MTUS2: variants seen among roughly 807,000 people sequenced by gnomAD.
MTUS2 encodes microtubule associated scaffold protein 2.
In MTUS2, 40 loss-of-function variants were observed where a neutral mutation model predicts 114.1. The ratio of observed to expected loss-of-function variants is 0.35; its 90% CI spans 0.27 to 0.46. The LOEUF is 0.46. Among genes scored for constraint, MTUS2 ranks in the 20% least tolerant of loss-of-function variants. MTUS2 has a pLI of 1.00. For synonymous variants in MTUS2, 688 were observed against 672.0 expected, an observed-to-expected ratio of 1.02 and a Z score of -0.37; for missense variants, 1,679 against 1,705.4, an observed-to-expected ratio of 0.98 and a Z score of 0.27.
chr13:29,500,608 T>C (rs1201094654), intron 14 of MTUS2, among the ~76,000 whole-genome samples: 2 of 152,126 alleles, frequency 1.3e-5, no homozygotes, highest in African/African-American at 4.8e-5. Flanking sequence ...CCTCCCTCCA[T>C]TGATTCAGAA....
chr13:28,877,452 C>T (rs1250616341), intron 2 of MTUS2, among the ~76,000 whole-genome samples: 1 of 152,018 alleles, frequency 6.6e-6, no homozygotes, highest in Non-Finnish European at 1.5e-5. Flanking sequence ...TTGCATATTA[C>T]AGTCCAAGGG....
chr13:29,474,941 C>G (rs753830782), intron 9 of MTUS2, among the ~76,000 whole-genome samples: 2 of 152,188 alleles, frequency 1.3e-5, no homozygotes, highest in Non-Finnish European at 2.9e-5. Flanking sequence ...GGAGTTAAAG[C>G]TACTGATCTT....
At chr13:28,935,779 G>C (rs1029489810) in intron 2 of MTUS2, among the ~76,000 whole-genome samples, 2 of 151,936 alleles carry the variant, frequency 1.3e-5, no homozygotes, top group African/African-American at 4.8e-5. Flanking sequence ...TTAAGAGACA[G>C]AGTCTGTCTG....
At chr13:29,277,075 T>C (rs1898094431) in intron 5 of MTUS2, among the ~76,000 whole-genome samples, 2 of 152,172 alleles carry the variant, frequency 1.3e-5, no homozygotes, top group African/African-American at 4.8e-5. Context: ...TTTCTGCATG[T>C]CTTCTAAACA....
At chr13:29,302,308 C>G (rs1002874928) in intron 6 of MTUS2, among the ~76,000 whole-genome samples, 1 of 152,142 alleles carries the variant, frequency 6.6e-6, no homozygotes, top group Non-Finnish European at 1.5e-5. Flanking sequence ...ATTGTGCAAC[C>G]CCACCTGGAA....
intron 1 of MTUS2, among the ~76,000 whole-genome samples, chr13:28,822,958 A>G (rs1434112033): frequency 1.3e-5 from 2 of 152,254 alleles, no homozygotes; most frequent in African/African-American, 4.8e-5. Context: ...ACATACCTGG[A>G]GAACTAGCTC....
chr13:29,501,911 T>A (rs1000581745), intron 15 of MTUS2, among the ~76,000 whole-genome samples: 1 of 152,088 alleles, frequency 6.6e-6, no homozygotes, highest in Non-Finnish European at 1.5e-5. Context: ...ACGCACACAC[T>A]CATATACTCA....
intron 6 of MTUS2, among the ~76,000 whole-genome samples, chr13:29,292,327 C>T (rs1898751246): frequency 6.6e-6 from 1 of 152,154 alleles, no homozygotes; most frequent in Admixed American, 6.5e-5. Flanking sequence ...ATAGAATGTA[C>T]CCTGGAAGTA....
chr13:29,166,137 T>C (rs1421595909), intron 5 of MTUS2, among the ~76,000 whole-genome samples: 1 of 152,184 alleles, frequency 6.6e-6, no homozygotes, highest in African/African-American at 2.4e-5. Context: ...GACCACTCAT[T>C]CTAAGTAGAA....
intron 2 of MTUS2, among the ~76,000 whole-genome samples, chr13:28,977,180 C>T (rs1196027239): frequency 6.6e-6 from 1 of 152,004 alleles, no homozygotes; most frequent in Non-Finnish European, 1.5e-5. Context: ...GATGATGAGT[C>T]AGTTGTAGAT....
chr13:29,367,896 C>A (rs1479865482), intron 8 of MTUS2, among the ~76,000 whole-genome samples: 1 of 151,926 alleles, frequency 6.6e-6, no homozygotes, highest in Non-Finnish European at 1.5e-5. Context: ...TAAAGCAATG[C>A]CAAGGGACCT....
intron 8 of MTUS2, among the ~76,000 whole-genome samples, chr13:29,425,994 A>G (rs1180844827): frequency 1.3e-5 from 2 of 152,184 alleles, no homozygotes; most frequent in Non-Finnish European, 2.9e-5. Context: ...ACTGTTTCCT[A>G]AAGGGAACTA....
intron 4 of MTUS2, among the ~76,000 whole-genome samples, chr13:29,092,757 T>G (rs2479802): frequency 8.6e-6 from 1 of 116,630 alleles, no homozygotes; most frequent in Admixed American, 8.5e-5. Flanking sequence ...GGTCTCTGGC[T>G]GGCAAAGTGA....
At chr13:29,285,384 A>G (rs1368008505) in intron 6 of MTUS2, among the ~76,000 whole-genome samples, 1 of 152,252 alleles carries the variant, frequency 6.6e-6, no homozygotes, top group Non-Finnish European at 1.5e-5. Context: ...TCCAGCTAAT[A>G]CAAAACACAT....
rs1876871000 is a variant in MTUS2 at position 28,860,014 on chromosome 13, T to C, written c.-243+20164T>C. On this transcript the variant is annotated intron_variant, in intron 2 of 15. Coordinates refer to ENST00000612955, the MANE Select transcript of MTUS2 (RefSeq NM_001033602.4). ...GTTGAAAGGAGGGATTGATTTATAT[T>C]ACATTTAGTTGTGATCAGTTAGACA... Among the ~76,000 whole-genome samples, 3 of 152,348 alleles carry C rather than the reference T, an allele frequency of 2.0e-5. No homozygotes were observed. In the South Asian group the frequency reaches 6.2e-4, roughly 32 times the overall value.
At chr13:29,232,661 A>T (rs538345835) in intron 5 of MTUS2, among the ~76,000 whole-genome samples, 89 of 152,300 alleles carry the variant, frequency 5.8e-4, no homozygotes, top group Non-Finnish European at 1.0e-3. Flanking sequence ...AGTTCTATCT[A>T]CCTTTTGCTC....
chr13:28,994,259 C>T (rs1187616785), intron 2 of MTUS2, among the ~76,000 whole-genome samples: 1 of 152,164 alleles, frequency 6.6e-6, no homozygotes, highest in Non-Finnish European at 1.5e-5. Flanking sequence ...GCACAGTATT[C>T]CATGGTGTAT....
At chr13:29,394,221 G>A (rs1199136404) in intron 8 of MTUS2, among the ~76,000 whole-genome samples, 3 of 152,286 alleles carry the variant, frequency 2.0e-5, no homozygotes, top group Admixed American at 6.5e-5. Flanking sequence ...GAGAACATGT[G>A]CCCAAGGTGA....
intron 5 of MTUS2, among the ~76,000 whole-genome samples, chr13:29,149,188 A>T (rs1445029197): frequency 6.6e-6 from 1 of 152,188 alleles, no homozygotes; most frequent in Non-Finnish European, 1.5e-5. Flanking sequence ...CCTCACCAGC[A>T]TCTGTTGTTT....
Sources: allele counts gnomAD v4.1 joint callset (sites outside exome capture counted in the v4.1 genomes callset), GRCh38; gene constraint gnomAD v4.1.1; transcripts MANE v1.5; gene names NCBI Gene and HGNC (gene_info 2026-07-23, HGNC 2026-07-21).